CSMD3: variants seen among roughly 807,000 people sequenced by gnomAD.
CSMD3 encodes the protein CUB and sushi domain-containing protein 3.
In CSMD3, 177 loss-of-function variants were observed where a neutral mutation model predicts 435.2. That is an observed-to-expected ratio of 0.41 (90% CI 0.36 to 0.46). CSMD3 has a LOEUF of 0.46. Among genes scored for constraint, CSMD3 ranks in the 20% least tolerant of loss-of-function variants. CSMD3 has a pLI of 0.34. For synonymous variants in CSMD3, 1,656 were observed against 1,520.5 expected, an observed-to-expected ratio of 1.09 and a Z score of -2.07; for missense variants, 4,265 against 4,504.6, an observed-to-expected ratio of 0.95 and a Z score of 1.52.
intron 9 of CSMD3, 121 bp downstream of exon 9, chr8:112,947,669 T>C: frequency 3.4e-6 from 2 of 585,154 alleles, no homozygotes; most frequent in East Asian, 2.9e-5. Context: ...TAACAATACA[T>C]TGATAAAATG....
At chr8:112,580,591 G>A (rs1193163724) in intron 23 of CSMD3, among the ~76,000 whole-genome samples, 1 of 150,980 alleles carries the variant, frequency 6.6e-6, no homozygotes, top group African/African-American at 2.4e-5. Flanking sequence ...TCCTGAGCCA[G>A]CCACATGGAA....
At chr8:112,380,511 A>T (rs2131236299) in intron 37 of CSMD3, 55 bp from the exon 38 acceptor site, 1 of 908,210 alleles carries the variant, frequency 1.1e-6, no homozygotes, top group African/African-American at 1.6e-5. Context: ...TACTATAATA[A>T]AATTAAGTAA....
chr8:113,235,471 A>G (rs921447771), intron 3 of CSMD3, among the ~76,000 whole-genome samples: 3 of 152,106 alleles, frequency 2.0e-5, no homozygotes, highest in Admixed American at 6.6e-5. Context: ...ACAAGGACAT[A>G]TTGTGTCCCC....
intron 2 of CSMD3, among the ~76,000 whole-genome samples, chr8:113,282,174 G>C (rs2132478284): frequency 6.6e-6 from 1 of 152,044 alleles, no homozygotes; most frequent in Admixed American, 6.6e-5. Context: ...ACAAGACAAG[G>C]ATGCCCAATC....
intron 30 of CSMD3, among the ~76,000 whole-genome samples, chr8:112,494,234 A>T (rs1820987974): frequency 6.6e-6 from 1 of 151,968 alleles, no homozygotes; most frequent in African/African-American, 2.4e-5. Flanking sequence ...TTAATAGAAT[A>T]ACAGATAAAT....
At position 112,348,470 on chromosome 8, in the gene CSMD3, G is replaced by A. The variant is rs75369591; in HGVS notation, c.6326-2257C>T. Among the ~76,000 whole-genome samples, 166 of 152,216 alleles carry A rather than the reference G, an allele frequency of 1.1e-3. 2 individuals carry two copies. The East Asian group carries it at 0.03, about 27-fold the overall frequency. ...TGACTAGTGTTTTAAGACATTCGCT[G>A]AATCAGCCTCTTGCTTCTAGTTTCT... On this transcript the variant is annotated intron_variant, in intron 40 of 70. Transcript: ENST00000297405.
chr8:113,377,828 G>A (rs2094395567), intron 1 of CSMD3, among the ~76,000 whole-genome samples: 1 of 152,006 alleles, frequency 6.6e-6, no homozygotes, highest in Non-Finnish European at 1.5e-5. Flanking sequence ...TCTGCCAAAA[G>A]TTATTTATTC....
chr8:112,938,886 C>CTTA (rs1304484576), intron 9 of CSMD3, among the ~76,000 whole-genome samples: 1 of 151,920 alleles, frequency 6.6e-6, no homozygotes. Context: ...TTTATTACTG[C>CTTA]TAAGTATAGG....
intron 62 of CSMD3, among the ~76,000 whole-genome samples, chr8:112,254,944 C>T (rs1003029790): frequency 1.3e-5 from 2 of 151,984 alleles, no homozygotes; most frequent in African/African-American, 4.8e-5. Flanking sequence ...TATGAAGATT[C>T]TTTATTAACT....
chr8:112,400,724 C>T (rs141428319), intron 35 of CSMD3, among the ~76,000 whole-genome samples: 34 of 152,248 alleles, frequency 2.2e-4, no homozygotes, highest in African/African-American at 7.2e-4. Flanking sequence ...GTGTTAGCTA[C>T]TGTACTTGCT....
In CSMD3 at chr8:112,399,413, A is replaced by C. The variant is rs552614490; in HGVS notation, c.5809+7111T>G. ...GTAGTTAAGACTATAGGTGTGTGCC[A>C]CCACACCCAGTTAATTTTTGTATTT... On this transcript the variant is annotated intron_variant, in intron 35 of 70. Transcript: ENST00000297405. Among the ~76,000 whole-genome samples the C allele has an allele frequency of 7.9e-5, 12 of 152,152 alleles. No individual in the cohort carries two copies. In the South Asian group the frequency reaches 1.7e-3, roughly 21 times the overall value.
chr8:112,602,793 T>A (rs1832471859), intron 22 of CSMD3, among the ~76,000 whole-genome samples: 1 of 152,144 alleles, frequency 6.6e-6, no homozygotes, highest in African/African-American at 2.4e-5. Context: ...TATAGTACTG[T>A]ATTTATTGAT....
At chr8:112,761,922 G>A (rs916987559) in intron 13 of CSMD3, among the ~76,000 whole-genome samples, 2 of 151,960 alleles carry the variant, frequency 1.3e-5, no homozygotes, top group African/African-American at 4.8e-5. Context: ...TCTTGAAGGT[G>A]AATGTTTTAG....
At chr8:112,913,543 A>G (rs2130557946) in intron 10 of CSMD3, among the ~76,000 whole-genome samples, 1 of 152,056 alleles carries the variant, frequency 6.6e-6, no homozygotes, top group Middle Eastern at 3.4e-3. Flanking sequence ...TATTGTAATT[A>G]TATACTAACT....
At chr8:113,431,995 T>G (rs951755186) in intron 1 of CSMD3, among the ~76,000 whole-genome samples, 1 of 152,188 alleles carries the variant, frequency 6.6e-6, no homozygotes, top group Non-Finnish European at 1.5e-5. Context: ...CCTTTGCTCC[T>G]GGAGTACTTA....
intron 1 of CSMD3, among the ~76,000 whole-genome samples, chr8:113,421,122 A>T (rs1242743191): frequency 6.6e-6 from 1 of 152,182 alleles, no homozygotes; most frequent in Non-Finnish European, 1.5e-5. Flanking sequence ...TATGCTTTTC[A>T]TATTCCAAAT....
At chr8:113,162,352 G>T (rs1162046278) in intron 4 of CSMD3, among the ~76,000 whole-genome samples, 1 of 151,918 alleles carries the variant, frequency 6.6e-6, no homozygotes, top group Non-Finnish European at 1.5e-5. Context: ...GATCACCTGA[G>T]GTTGGGAGTT....
intron 31 of CSMD3, among the ~76,000 whole-genome samples, chr8:112,487,168 C>G (rs183578754): frequency 6.6e-6 from 1 of 152,252 alleles, no homozygotes; most frequent in East Asian, 1.9e-4. Context: ...GTACTTTGGG[C>G]TTTACATACA....
intron 10 of CSMD3, among the ~76,000 whole-genome samples, chr8:112,899,517 T>C (rs2082042156): frequency 1.4e-5 from 2 of 143,390 alleles, no homozygotes; most frequent in South Asian, 2.1e-4. Context: ...ATATTTTCTA[T>C]ATATATATAT....
Sources: gnomAD v4.1 joint callset for allele counts (sites outside exome capture counted in the v4.1 genomes callset) on GRCh38, gnomAD v4.1.1 for gene constraint, MANE v1.5 for transcripts, NCBI Gene and HGNC (gene_info 2026-07-23, HGNC 2026-07-21) for gene names.